The following LRRC18 variants were observed in gnomAD, a reference collection of about 807,000 sequenced individuals.
The protein encoded by LRRC18 is leucine rich repeat containing 18, also known as leucine-rich repeat-containing protein 18.
In LRRC18, 12 loss-of-function variants were observed where a neutral mutation model predicts 11.2. The observed-to-expected ratio is 1.07, with a 90% CI of 0.69 to 1.74. LRRC18 has a LOEUF of 1.74. LRRC18 is among the 40% of genes most tolerant of loss of function. The probability of loss-of-function intolerance (pLI) is 0.00; values close to 1 mark genes in which losing one functional copy is unlikely to be tolerated. For synonymous variants in LRRC18, 155 were observed against 130.6 expected, an observed-to-expected ratio of 1.19 and a Z score of -1.27; for missense variants, 374 against 330.5, an observed-to-expected ratio of 1.13 and a Z score of -1.02.
chr10:48,911,615 TG>T (rs1446278471), intron 1 of LRRC18, among the ~76,000 whole-genome samples: 1 of 152,194 alleles, frequency 6.6e-6, no homozygotes, highest in Non-Finnish European at 1.5e-5. Flanking sequence ...GGTAACAGCA[TG>T]GGTTTCAAAG....
chr10:48,913,900 C>T, exon 1 of LRRC18: 1 of 1,614,140 alleles, frequency 6.2e-7, no homozygotes, highest in Non-Finnish European at 8.5e-7. Flanking sequence ...GGCAGCTTGT[C>T]TATGTAGTTG....
At chr10:48,926,722 A>T in the LRRC18 span, among the ~76,000 whole-genome samples, 2 of 152,236 alleles carry the variant, frequency 1.3e-5, no homozygotes, top group Admixed American at 1.3e-4. Context: ...TGTTAATGAT[A>T]TTTTAATAGC....
At chr10:48,938,100 G>A in the LRRC18 span, among the ~76,000 whole-genome samples, 1 of 152,348 alleles carries the variant, frequency 6.6e-6, no homozygotes, top group Admixed American at 6.5e-5. Context: ...TCTCATTGTG[G>A]CTTGCGTATG....
rs138280112 is a variant in LRRC18 at position 48,913,981 on chromosome 10, G to A, written c.175C>T (p.Arg59Trp). The change falls in exon 1 of 2, where the codon CGG becomes TGG. Residue 59 changes from arginine to tryptophan, a missense_variant. Transcript: ENST00000374160. ...TCAGGGATCTTCCTGATAAGATTCCGGCTAAGGTCCAGCTCGTCCATGTCA... is the reference window on the plus strand; with the variant it reads ...TCAGGGATCTTCCTGATAAGATTCCAGCTAAGGTCCAGCTCGTCCATGTCA... The A allele has an allele frequency of 2.5e-5, 40 of 1,614,132 alleles. No homozygotes were observed. Among genetic ancestry groups the A allele is most frequent in the East Asian group, 4.5e-5 (2 of 44,876 alleles).
chr10:48,910,269 A>C lies in LRRC18; in HGVS notation c.765-11T>G. Reference sequence around the variant, plus strand: ...GATGTCAAGCGTATTCTGGGGATGGAGACACAAGAAGGTGAGGCAATTGCT... The same window carrying C: ...GATGTCAAGCGTATTCTGGGGATGGCGACACAAGAAGGTGAGGCAATTGCT... On this transcript the variant is annotated splice_polypyrimidine_tract_variant and intron_variant, in intron 1 of 1. Transcript: ENST00000374160. 1 of 1,589,056 alleles carries C rather than the reference A, an allele frequency of 6.3e-7. No individual in the cohort carries two copies. Among genetic ancestry groups the C allele is most frequent in the Non-Finnish European group, 8.6e-7 (1 of 1,164,790 alleles).
At chr10:48,935,546 T>C in the LRRC18 span, among the ~76,000 whole-genome samples, 61,363 of 152,222 alleles carry the variant, frequency 0.4, 14,202 homozygotes, top group Non-Finnish European at 0.52. Flanking sequence ...ATAGCATTCA[T>C]GAAACATCAC....
At chr10:48,938,980 G>C in the LRRC18 span, among the ~76,000 whole-genome samples, 1 of 152,274 alleles carries the variant, frequency 6.6e-6, no homozygotes, top group African/African-American at 2.4e-5. Context: ...GGCTTCATTC[G>C]AGTTCTTCTG....
chr10:48,917,209 TG>T (rs1415955066), upstream of LRRC18, among the ~76,000 whole-genome samples: 1 of 152,224 alleles, frequency 6.6e-6, no homozygotes, highest in Non-Finnish European at 1.5e-5. Flanking sequence ...TGCCTAAGGA[TG>T]TATTTCTCAG....
the LRRC18 span, among the ~76,000 whole-genome samples, chr10:48,933,827 T>C: frequency 6.6e-6 from 1 of 152,102 alleles, no homozygotes; most frequent in South Asian, 2.1e-4. Context: ...GGAAACATCA[T>C]CTAGCTTTCA....
rs542712618 is a variant in LRRC18, at chr10:48,912,765, G to A, written c.764+627C>T. Among the ~76,000 whole-genome samples the A allele has an allele frequency of 3.3e-5, 5 of 152,360 alleles. No homozygotes were observed. The South Asian group carries it at 1.0e-3, about 32-fold the overall frequency. On this transcript the variant is annotated intron_variant, in intron 1 of 1. Transcript: ENST00000374160. ...TTCATTCATTCACAGCCAGTCAGAG[G>A]TCTGCAGGTTTAGCCAAGAAAGCTC...
upstream of LRRC18, among the ~76,000 whole-genome samples, chr10:48,919,157 G>A (rs1838822085): frequency 6.6e-6 from 1 of 151,562 alleles, no homozygotes; most frequent in African/African-American, 2.4e-5. Context: ...TAATGAAACA[G>A]ATAGCCAGAC....
chr10:48,918,043 T>C (rs1461072256), upstream of LRRC18, among the ~76,000 whole-genome samples: 1 of 152,206 alleles, frequency 6.6e-6, no homozygotes, highest in East Asian at 1.9e-4. Flanking sequence ...GTAAAGTATG[T>C]GTATTTTAAT....
At chr10:48,935,408 C>T in the LRRC18 span, among the ~76,000 whole-genome samples, 2 of 152,248 alleles carry the variant, frequency 1.3e-5, no homozygotes, top group African/African-American at 4.8e-5. Flanking sequence ...GCTTTTCCTG[C>T]TGTTCACCCA....
At chr10:48,923,506 A>ATATATATATGTATGTATG in the LRRC18 span, among the ~76,000 whole-genome samples, 26 of 115,108 alleles carry the variant, frequency 2.3e-4, 4 homozygotes, top group Admixed American at 7.2e-4. Flanking sequence ...GTATATATAT[A>ATATATATATGTATGTATG]TATATATGTC....
At chr10:48,914,759 C>A (rs1046956751), upstream of LRRC18, among the ~76,000 whole-genome samples, 4 of 152,184 alleles carry the variant, frequency 2.6e-5, no homozygotes, top group African/African-American at 9.7e-5. Context: ...GAGGCCTTGG[C>A]TACAGTCCAA....
At chr10:48,930,698 T>C in the LRRC18 span, among the ~76,000 whole-genome samples, 1 of 151,934 alleles carries the variant, frequency 6.6e-6, no homozygotes, top group Admixed American at 6.6e-5. Flanking sequence ...TAAAAAAAAA[T>C]TAGAAACAAC....
At chr10:48,934,564 GC>G in the LRRC18 span, among the ~76,000 whole-genome samples, 7 of 152,328 alleles carry the variant, frequency 4.6e-5, no homozygotes, top group South Asian at 8.3e-4. Context: ...CCTTTGCAAA[GC>G]CCAACTTAGC....
chr10:48,914,226 T>A lies in LRRC18; in HGVS notation c.-71A>T. On this transcript the variant is annotated 5_prime_UTR_variant, in exon 1 of 2. It removes an upstream start codon present in the reference 5' UTR. Coordinates refer to ENST00000374160, the Ensembl canonical transcript of LRRC18. ...TAGTGATCAGTGTGAGGAAAAATCA[T>A]GAAAAACTGCTGAAAGATAAGAAAA... 1 of 1,490,646 alleles carries A rather than the reference T, an allele frequency of 6.7e-7. No individual in the cohort carries two copies. Among genetic ancestry groups the A allele is most frequent in the Non-Finnish European group, 9.0e-7 (1 of 1,109,650 alleles). 92.3% of individuals were successfully genotyped at this position (1,490,646 alleles called of 1,614,324 possible). A position where few individuals can be genotyped will look rare whatever the true frequency, so the allele number is the denominator to read the frequency against.
the LRRC18 span, among the ~76,000 whole-genome samples, chr10:48,926,991 AG>A: frequency 2.6e-5 from 4 of 152,194 alleles, no homozygotes; most frequent in African/African-American, 4.8e-5. Flanking sequence ...AGCATTGCCC[AG>A]GGACATTGGC....
Sources: gnomAD v4.1 joint callset for allele counts (sites outside exome capture counted in the v4.1 genomes callset) on GRCh38, gnomAD v4.1.1 for gene constraint, MANE v1.5 for transcripts, NCBI Gene and HGNC (gene_info 2026-07-23, HGNC 2026-07-21) for gene names.